Variants in ADAMTS8 observed in about 807,000 individuals in gnomAD.
ADAMTS8 encodes ADAM metallopeptidase with thrombospondin type 1 motif 8, also known as A disintegrin and metalloproteinase with thrombospondin motifs 8.
Under a neutral mutation model 64.4 loss-of-function variants are expected in ADAMTS8, and 50 were observed. The ratio of observed to expected loss-of-function variants is 0.78; its 90% CI spans 0.62 to 0.98. ADAMTS8 has a LOEUF of 0.98. ADAMTS8 is among the 50% of genes least tolerant of loss of function. The probability of loss-of-function intolerance (pLI) is 0.00; values close to 1 mark genes in which losing one functional copy is unlikely to be tolerated. For synonymous variants in ADAMTS8, 556 were observed against 533.6 expected, an observed-to-expected ratio of 1.04 and a Z score of -0.58; for missense variants, 1,192 against 1,208.2, an observed-to-expected ratio of 0.99 and a Z score of 0.20.
chr11:130,408,555 C>A lies in ADAMTS8; in HGVS notation c.2008G>T (p.Val670Leu), dbSNP rs1009817402. ...TTGTCCAGCTTCCGAGGCGAGTCCACCACATGGTCACAGCCGGCCTTGACA... is the reference window on the plus strand; with the variant it reads ...TTGTCCAGCTTCCGAGGCGAGTCCAACACATGGTCACAGCCGGCCTTGACA... The part of the protein sequence containing the change: ...QCVKAGCDHV[V>L]DSPRKLDKCG... Residue 670 changes from valine to leucine, a missense_variant, in exon 8 of 9, where the codon GTG (valine) becomes TTG (leucine). Val to Leu is a conservative substitution (Grantham distance 32). Transcript: ENST00000257359. 1 of 1,614,220 alleles carries A rather than the reference C, an allele frequency of 6.2e-7. No individual in the cohort carries two copies. Among genetic ancestry groups the A allele is most frequent in the Non-Finnish European group, 8.5e-7 (1 of 1,180,048 alleles).
At chr11:130,425,607 T>TC (rs1487120716) in intron 1 of ADAMTS8, among the ~76,000 whole-genome samples, 2 of 150,900 alleles carry the variant, frequency 1.3e-5, no homozygotes, top group African/African-American at 4.9e-5. Flanking sequence ...TTTTTTCTTT[T>TC]TTTTTTTTTT....
At chr11:130,413,818 C>G (rs890783859) in intron 5 of ADAMTS8, among the ~76,000 whole-genome samples, 2 of 152,194 alleles carry the variant, frequency 1.3e-5, no homozygotes, top group South Asian at 2.1e-4. Flanking sequence ...ACTTTTCACT[C>G]AATTCTTGAT....
intron 1 of ADAMTS8, among the ~76,000 whole-genome samples, chr11:130,419,863 T>C (rs1862077835): frequency 6.6e-6 from 1 of 152,140 alleles, no homozygotes. Flanking sequence ...TTTCCTGTTG[T>C]CTATTGGGGT....
chr11:130,422,567 T>C (rs1862114553), intron 1 of ADAMTS8, among the ~76,000 whole-genome samples: 1 of 152,088 alleles, frequency 6.6e-6, no homozygotes, highest in South Asian at 2.1e-4. Flanking sequence ...CTATCTGACG[T>C]CTCTAGGGCC....
intron 1 of ADAMTS8, among the ~76,000 whole-genome samples, chr11:130,423,578 A>G (rs1862126827): frequency 6.6e-6 from 1 of 152,216 alleles, no homozygotes. Flanking sequence ...GTAAGGGGGC[A>G]TGGAGATGGC....
chr11:130,409,636 A>G (rs1272163962), intron 6 of ADAMTS8, among the ~76,000 whole-genome samples: 2 of 152,204 alleles, frequency 1.3e-5, no homozygotes. Flanking sequence ...CTGTGATTTA[A>G]AACGATGGCA....
intron 2 of ADAMTS8, among the ~76,000 whole-genome samples, chr11:130,418,255 T>C (rs12576846): frequency 0.12 from 17,053 of 143,044 alleles, 1,102 homozygotes; most frequent in East Asian, 0.22. Flanking sequence ...TTCTGAGTGA[T>C]AAGATCGGGA....
chr11:130,408,570 C>A lies in ADAMTS8; in HGVS notation c.1993G>T (p.Gly665Cys), dbSNP rs776551880. 13 of 1,614,080 alleles carry A rather than the reference C, an allele frequency of 8.1e-6. No individual in the cohort carries two copies. The highest frequency in any genetic ancestry group is 1.1e-5 in the Non-Finnish European group (13 of 1,180,046). ...ICVRGQCVKA[G>C]CDHVVDSPRK... ...GGCGAGTCCACCACATGGTCACAGC[C>A]GGCCTTGACACACTGGCCACGGACA... The change falls in exon 8 of 9, where the codon GGC (glycine) becomes TGC (cysteine). Residue 665 changes from glycine to cysteine, a missense_variant. Transcript: ENST00000257359.
intron 6 of ADAMTS8, 148 bp from the exon 7 acceptor site, chr11:130,409,088 A>G (rs1055703135): frequency 2.4e-6 from 2 of 826,954 alleles, no homozygotes; most frequent in Non-Finnish European, 3.6e-6. Flanking sequence ...TCTGGGCACA[A>G]CATTCCTAGA....
intron 6 of ADAMTS8, among the ~76,000 whole-genome samples, chr11:130,410,330 A>G (rs1861937102): frequency 1.3e-5 from 2 of 152,176 alleles, no homozygotes; most frequent in Admixed American, 1.3e-4. Flanking sequence ...ATAGTTCTAG[A>G]CACACAAAAA....
In ADAMTS8 at chr11:130,414,524, C is replaced by A; in HGVS notation, c.1566+7G>T. The A allele has an allele frequency of 6.3e-7, 1 of 1,585,828 alleles. No homozygotes were observed. The highest frequency in any genetic ancestry group is 1.3e-5 in the African/African-American group (1 of 74,360). ...CCTCCCCGCTATCCTCAGGGGCTGT[C>A]CCTCACCTTGGGCCTCTCCACTTCC... is the stretch of plus-strand genomic sequence containing the variant. On this transcript the variant is annotated splice_region_variant and intron_variant, in intron 5 of 8. Coordinates refer to ENST00000257359, the MANE Select transcript of ADAMTS8 (RefSeq NM_007037.6).
At chr11:130,414,056 G>GTTTGTTAAAA (rs1276157074) in intron 5 of ADAMTS8, among the ~76,000 whole-genome samples, 1 of 149,434 alleles carries the variant, frequency 6.7e-6, no homozygotes, top group Non-Finnish European at 1.5e-5. Context: ...GCTTTGGTTT[G>GTTTGTTAAAA]TTTGTTAAAA....
chr11:130,417,194 C>T (rs1862038285), intron 2 of ADAMTS8, 119 bp from the exon 3 acceptor site: 4 of 1,252,396 alleles, frequency 3.2e-6, no homozygotes, highest in Admixed American at 3.9e-5. Context: ...CGTCCCATAA[C>T]ATGTTTGCTG....
rs1370118049 is a variant in ADAMTS8, at chr11:130,425,097, TG to T, written c.720+2469del. 2.6e-5 allele frequency among the ~76,000 whole-genome samples: 4 copies of T among 152,144 alleles called. No homozygotes were observed. The South Asian group carries it at 6.2e-4, about 24-fold the overall frequency. On this transcript the variant is annotated intron_variant, in intron 1 of 8. Transcript: ENST00000257359. ...GGAAAGGTCCAGAAATGCGTGTTTG[TG>T]GGGGATGGGGAGCGGGGCAAGCAGG... is the stretch of plus-strand genomic sequence containing the variant.
chr11:130,413,673 G>C (rs1018887160), intron 5 of ADAMTS8, among the ~76,000 whole-genome samples: 12 of 152,156 alleles, frequency 7.9e-5, no homozygotes, highest in Admixed American at 5.2e-4. Flanking sequence ...CCTGGGCCAA[G>C]TTTTTTTCTG....
At chr11:130,408,438 G>C in intron 8 of ADAMTS8, 26 bp downstream of exon 8, 1 of 1,611,936 alleles carries the variant, frequency 6.2e-7, no homozygotes, top group Non-Finnish European at 8.5e-7. Flanking sequence ...TACCAAGCAA[G>C]GTACAGAACT....
rs767909916 is a variant in ADAMTS8 at position 130,419,092 on chromosome 11, G to C, written c.921C>G (p.His307Gln). The C allele has an allele frequency of 1.9e-6, 3 of 1,614,178 alleles. No homozygotes were observed. The highest frequency in any genetic ancestry group is 8.5e-7 in the Non-Finnish European group (1 of 1,180,036). Residue 307 changes from histidine to glutamine, a missense_variant, in exon 2 of 9, where the codon CAC becomes CAG. His to Gln is a conservative substitution (Grantham distance 24, BLOSUM62 0). Transcript: ENST00000257359. ...QRRFNQPSDRHPEHYDTAILL... is the reference protein window; with the variant it reads ...QRRFNQPSDRQPEHYDTAILL... Reference sequence around the variant, plus strand: ...GGATGGCCGTGTCGTAGTGCTCTGGGTGGCGGTCGCTGGGCTGGTTGAAAC... The same window carrying C: ...GGATGGCCGTGTCGTAGTGCTCTGGCTGGCGGTCGCTGGGCTGGTTGAAAC...
rs1173231945 is a variant in ADAMTS8 at position 130,408,642 on chromosome 11, G to A, written c.1924-3C>T. ...CCACACAGGGTGCCATCAATCACCT[G>A]CAACGGGGAAAGGGAAGGTGAGGGA... is the stretch of plus-strand genomic sequence containing the variant. On this transcript the variant is annotated splice_polypyrimidine_tract_variant and splice_region_variant and intron_variant, in intron 7 of 8. Coordinates refer to ENST00000257359, the MANE Select transcript of ADAMTS8 (RefSeq NM_007037.6). 6.2e-7 allele frequency: 1 copy of A among 1,613,888 alleles called. No homozygotes were observed. The highest frequency in any genetic ancestry group is 1.1e-5 in the South Asian group (1 of 91,076).
chr11:130,423,680 C>T lies in ADAMTS8; in HGVS notation c.720+3887G>A, dbSNP rs76219838. ...GGAAGATGAGCGCCACTTTTCGGAC[C>T]CTCTCTGCTAAGAAGAGGACTCGAA... On this transcript the variant is annotated intron_variant, in intron 1 of 8. Transcript: ENST00000257359. Among the ~76,000 whole-genome samples the T allele has an allele frequency of 9.9e-3, 1,503 of 152,298 alleles. 26 individuals are homozygous for T. The highest frequency in any genetic ancestry group is 0.033 in the African/African-American group (1,356 of 41,574).
Sources: gnomAD v4.1 joint callset for allele counts (sites outside exome capture counted in the v4.1 genomes callset) on GRCh38, gnomAD v4.1.1 for gene constraint, MANE v1.5 for transcripts, NCBI Gene and HGNC (gene_info 2026-07-23, HGNC 2026-07-21) for gene names.